ABR: variants seen among roughly 807,000 people sequenced by gnomAD.
ABR encodes active breakpoint cluster region-related protein.
Under a neutral mutation model 107.2 loss-of-function variants are expected in ABR, and 35 were observed. The observed-to-expected ratio is 0.33, with a 90% CI of 0.25 to 0.43. The LOEUF (loss-of-function observed/expected upper bound fraction) is 0.43, where lower values mean the gene tolerates loss of function less well. Among genes scored for constraint, ABR ranks in the 20% least tolerant of loss-of-function variants. The pLI is 1.00. For missense variants in ABR, 815 were observed against 1,115.2 expected, an observed-to-expected ratio of 0.73 and a Z score of 3.83; for synonymous variants, 498 against 462.0, an observed-to-expected ratio of 1.08 and a Z score of -1.00.
chr17:1,060,197 G>C (rs1182494236), intron 10 of ABR, among the ~76,000 whole-genome samples: 1 of 152,098 alleles, frequency 6.6e-6, no homozygotes, highest in Non-Finnish European at 1.5e-5. Flanking sequence ...GATCGTTTGA[G>C]GTCAGGAGTT....
At chr17:1,204,066 T>A (rs1056986818) in intron 1 of ABR, among the ~76,000 whole-genome samples, 3 of 152,188 alleles carry the variant, frequency 2.0e-5, no homozygotes, top group Admixed American at 2.0e-4. Flanking sequence ...GGCCTCTCCC[T>A]CATCTCGGCC....
chr17:1,005,269 C>A lies in ABR; in HGVS notation c.*811G>T. 1 of 398,140 alleles carries A rather than the reference C, an allele frequency of 2.5e-6. No individual in the cohort carries two copies. Among genetic ancestry groups the A allele is most frequent in the South Asian group, 1.3e-4 (1 of 7,448 alleles). 24.7% of individuals were successfully genotyped at this position (398,140 alleles called of 1,614,324 possible). A position where few individuals can be genotyped will look rare whatever the true frequency, so the allele number is the denominator to read the frequency against. On this transcript the variant is annotated 3_prime_UTR_variant, in exon 23 of 23. Transcript: ENST00000302538. ...ACTGAAAAGCAGTAGAAGAAACAGTCAGAGATGCCTCACTGATAGACAGGA... is the reference window on the plus strand; with the variant it reads ...ACTGAAAAGCAGTAGAAGAAACAGTAAGAGATGCCTCACTGATAGACAGGA...
rs1424089415 is a variant in ABR, at chr17:1,179,867, C to G, written c.-140G>C. The G allele has an allele frequency of 2.4e-6, 2 of 819,800 alleles. No individual in the cohort carries two copies. Among genetic ancestry groups the G allele is most frequent in the East Asian group, 3.4e-5 (1 of 29,150 alleles). The allele number at this position is 819,800 out of a possible 1,614,324, so 50.8% of individuals were successfully genotyped here. A position where few individuals can be genotyped will look rare whatever the true frequency, so the allele number is the denominator to read the frequency against. On this transcript the variant is annotated 5_prime_UTR_variant, in exon 1 of 23. Transcript: ENST00000302538. The surrounding 1 kb of genome is among the most constrained non-coding windows in gnomAD (Gnocchi z 4.9). ...CCGGGAACCAGGTCCCCGGGAGGAG[C>G]GCGGGGCGGCCGGGGCAGGGGCGAG...
chr17:1,015,719 A>G (rs1421276082), intron 16 of ABR, among the ~76,000 whole-genome samples: 1 of 152,074 alleles, frequency 6.6e-6, no homozygotes, highest in Non-Finnish European at 1.5e-5. Context: ...CGGTCTCCCA[A>G]AGTGCTGGGA....
intron 1 of ABR, among the ~76,000 whole-genome samples, chr17:1,185,504 G>T (rs2042258499): frequency 6.6e-6 from 1 of 151,892 alleles, no homozygotes; most frequent in African/African-American, 2.4e-5. Context: ...AATTAGCTGG[G>T]CGTGGTGGCG....
rs112557411 is a variant in ABR, at chr17:1,009,763, T to C, written c.2258A>G (p.Lys753Arg). The stretch of plus-strand genomic sequence containing the variant: ...GAGCAGGTGCATCATGCAGTTTTCC[T>C]TGGCAGCAGGGTCTGACAGGGCTGT... Reference protein sequence around the residue: ...EGIALSDPAAKENCMMHLLRS... With the variant: ...EGIALSDPAARENCMMHLLRS... Residue 753 changes from lysine to arginine, a missense_variant, in exon 21 of 23, where the codon AAG (lysine) becomes AGG (arginine). Coordinates refer to ENST00000302538, the MANE Select transcript of ABR (RefSeq NM_021962.5). The C allele has an allele frequency of 1.2e-5, 20 of 1,613,940 alleles. No individual in the cohort carries two copies. The African/African-American group carries it at 1.3e-4, about 11-fold the overall frequency.
intron 2 of ABR, among the ~76,000 whole-genome samples, chr17:1,101,620 C>T (rs2037872236): frequency 6.6e-6 from 1 of 152,168 alleles, no homozygotes; most frequent in South Asian, 2.1e-4. Context: ...TTTATTTATT[C>T]ATTCAATAAA....
At chr17:1,204,986 C>G (rs562035979) in intron 1 of ABR, among the ~76,000 whole-genome samples, 2 of 147,836 alleles carry the variant, frequency 1.4e-5, no homozygotes, top group African/African-American at 5.0e-5. Flanking sequence ...TCACTGCATC[C>G]TCTGCCTCCT....
At position 1,157,932 on chromosome 17, in the gene ABR, G is replaced by C. The variant is rs2041113030; in HGVS notation, c.61+21735C>G. Among the ~76,000 whole-genome samples, 2 of 152,168 alleles carry C rather than the reference G, an allele frequency of 1.3e-5. No homozygotes were observed. Among genetic ancestry groups the C allele is most frequent in the African/African-American group, 4.8e-5 (2 of 41,428 alleles). On this transcript the variant is annotated intron_variant, in intron 1 of 22. Transcript: ENST00000302538. This position sits in a 1 kb window ranked among gnomAD's most constrained non-coding sequence, Gnocchi z 4.7. ...GAAAAGGATTATCTCGCCTAATAAG[G>C]GCAGGTATTACTTTATGAGGCTCAT...
intron 1 of ABR, among the ~76,000 whole-genome samples, chr17:1,201,905 C>T (rs1315748066): frequency 6.6e-6 from 1 of 152,176 alleles, no homozygotes; most frequent in East Asian, 1.9e-4. Context: ...TCTCGATCTC[C>T]TGACCTCGTG....
rs775866326 is a variant in ABR, at chr17:1,067,193, C to G, written c.1066G>C (p.Val356Leu). The G allele has an allele frequency of 6.2e-7, 1 of 1,612,272 alleles. No individual in the cohort carries two copies. Among genetic ancestry groups the G allele is most frequent in the Non-Finnish European group, 8.5e-7 (1 of 1,179,218 alleles). Reference protein sequence around the residue: ...CKWYIPLADLVFPSPEESEAS... With the variant: ...CKWYIPLADLLFPSPEESEAS... ...TCAGACTCCTCGGGGGATGGAAACA[C>G]CAGGTCGGCCAGGGGGATGTACCAC... is the stretch of plus-strand genomic sequence containing the variant. The change falls in exon 10 of 23, where the codon GTG becomes CTG. Residue 356 changes from valine (V) to leucine (L), a missense_variant. Val to Leu is a conservative substitution (Grantham distance 32). Around this residue, in one of 5 missense-constraint regions of ABR, gnomAD observed 385 missense variants for 596.9 expected, o/e 0.64. Transcript: ENST00000302538.
intron 1 of ABR, among the ~76,000 whole-genome samples, chr17:1,149,978 C>T (rs1390030447): frequency 6.6e-6 from 1 of 152,074 alleles, no homozygotes; most frequent in Non-Finnish European, 1.5e-5. Context: ...TTAGTCCAGG[C>T]GAAGTTCTAA....
chr17:1,015,396 C>A (rs966185454), intron 16 of ABR, among the ~76,000 whole-genome samples: 4 of 140,984 alleles, frequency 2.8e-5, no homozygotes, highest in African/African-American at 1.1e-4. Context: ...TCCAGCCTGG[C>A]GACAGAGTGA....
intron 9 of ABR, among the ~76,000 whole-genome samples, chr17:1,067,529 CAAG>C (rs1233162402): frequency 6.6e-6 from 1 of 152,230 alleles, no homozygotes; most frequent in South Asian, 2.1e-4. Flanking sequence ...ACTTAGGTAT[CAAG>C]AAGAGCGAAG....
At chr17:1,228,521 A>C (rs1037410720) in intron 1 of ABR, among the ~76,000 whole-genome samples, 22 of 152,044 alleles carry the variant, frequency 1.4e-4, no homozygotes, top group Non-Finnish European at 2.9e-4. Flanking sequence ...AGGGCCACGG[A>C]GCGCAAAGCG....
chr17:1,126,717 A>G (rs1007748598), intron 1 of ABR, among the ~76,000 whole-genome samples: 3 of 152,166 alleles, frequency 2.0e-5, no homozygotes, highest in African/African-American at 7.2e-5. Context: ...CCTTTCCTCC[A>G]GGTCACCCTC....
At chr17:1,144,950 T>A (rs1388111655) in intron 1 of ABR, among the ~76,000 whole-genome samples, 1 of 151,030 alleles carries the variant, frequency 6.6e-6, no homozygotes, top group Non-Finnish European at 1.5e-5. Flanking sequence ...ACCCAGGAGG[T>A]GGAGGTTGCA....
intron 10 of ABR, 89 bp downstream of exon 10, chr17:1,066,988 A>T: frequency 7.0e-7 from 1 of 1,420,434 alleles, no homozygotes; most frequent in South Asian, 1.2e-5. Flanking sequence ...CTCCCTCTCA[A>T]AGTCTCAAAC....
At chr17:1,173,209 C>T (rs1356785187) in intron 1 of ABR, among the ~76,000 whole-genome samples, 1 of 91,450 alleles carries the variant, frequency 1.1e-5, no homozygotes, top group African/African-American at 4.5e-5. Context: ...CAACACATCA[C>T]CTCAGTCCAC....
Sources: gnomAD v4.1 joint callset for allele counts (sites outside exome capture counted in the v4.1 genomes callset) on GRCh38, gnomAD v4.1.1 for gene constraint, gnomAD v4.1.1 regional missense constraint, Gnocchi (gnomAD v3.1) non-coding constraint, MANE v1.5 for transcripts, NCBI Gene and HGNC (gene_info 2026-07-23, HGNC 2026-07-21) for gene names.